Variants in GALNT7 observed in about 807,000 individuals in gnomAD.
GALNT7 encodes N-acetylgalactosaminyltransferase 7.
Under a neutral mutation model 82.1 loss-of-function variants are expected in GALNT7, and 60 were observed. The ratio of observed to expected loss-of-function variants is 0.73; its 90% CI spans 0.59 to 0.91. The LOEUF is 0.91. Ranked by LOEUF, GALNT7 falls within the 40% of genes least tolerant of loss-of-function variation. GALNT7 has a pLI of 0.00. For missense variants in GALNT7, 660 were observed against 804.2 expected, an observed-to-expected ratio of 0.82 and a Z score of 2.17; for synonymous variants, 243 against 275.1, an observed-to-expected ratio of 0.88 and a Z score of 1.15.
At chr4:173,227,757 G>A (rs1035999624) in intron 1 of GALNT7, among the ~76,000 whole-genome samples, 4 of 152,082 alleles carry the variant, frequency 2.6e-5, no homozygotes, top group African/African-American at 9.7e-5. Flanking sequence ...TTTAAGTGAT[G>A]GATAATTGAG....
At chr4:173,229,655 T>C (rs1733961814) in intron 1 of GALNT7, among the ~76,000 whole-genome samples, 1 of 152,132 alleles carries the variant, frequency 6.6e-6, no homozygotes, top group Admixed American at 6.5e-5. Context: ...TAAAATGGGG[T>C]AATAGTGGTA....
intron 1 of GALNT7, among the ~76,000 whole-genome samples, chr4:173,240,336 A>G (rs2126724925): frequency 6.6e-6 from 1 of 151,270 alleles, no homozygotes; most frequent in South Asian, 2.1e-4. Flanking sequence ...AGAGATGGCA[A>G]TGGAAAGTGG....
chr4:173,271,288 A>T (rs1440670854), intron 2 of GALNT7, among the ~76,000 whole-genome samples: 5 of 152,184 alleles, frequency 3.3e-5, no homozygotes, highest in African/African-American at 4.8e-5. Context: ...GTAATGTTCC[A>T]TTCACTTGTA....
At position 173,168,949 on chromosome 4, in the gene GALNT7, G is replaced by C; in HGVS notation, c.114G>C (p.Leu38=). 1 of 1,613,604 alleles carries C rather than the reference G, an allele frequency of 6.2e-7. No homozygotes were observed. Among genetic ancestry groups the C allele is most frequent in the Non-Finnish European group, 8.5e-7 (1 of 1,179,770 alleles). ...CGCGGCCGGACGACCCAAGCCCGCT[G>C]AGCAGGATGAGGGTGAGTGACCCGC... ...LTPRPDDPSP[L]SRMREDRDVN... is the part of the protein sequence containing the mutation. Residue 38 remains leucine (L), a synonymous_variant, in exon 1 of 12, where the codon CTG becomes CTC. Transcript: ENST00000265000.
chr4:173,267,771 A>G (rs1739381925), intron 2 of GALNT7, among the ~76,000 whole-genome samples: 1 of 151,550 alleles, frequency 6.6e-6, no homozygotes, highest in Admixed American at 6.6e-5. Context: ...AATTGTGGAT[A>G]ATAATACTTG....
chr4:173,203,179 C>T (rs928886923), intron 1 of GALNT7, among the ~76,000 whole-genome samples: 29 of 152,072 alleles, frequency 1.9e-4, no homozygotes, highest in African/African-American at 4.8e-4. Flanking sequence ...CTGCAAGCTC[C>T]GCCTCCTGGG....
chr4:173,194,132 T>C (rs1732704283), intron 1 of GALNT7, among the ~76,000 whole-genome samples: 1 of 152,210 alleles, frequency 6.6e-6, no homozygotes, highest in Non-Finnish European at 1.5e-5. Context: ...CTATTACTTA[T>C]TTTAAAGTGT....
chr4:173,185,806 T>C (rs1732445263), intron 1 of GALNT7, among the ~76,000 whole-genome samples: 1 of 152,204 alleles, frequency 6.6e-6, no homozygotes, highest in African/African-American at 2.4e-5. Context: ...AAGAGATAAA[T>C]AAGCATTATT....
At chr4:173,203,975 T>A (rs1733018369) in intron 1 of GALNT7, among the ~76,000 whole-genome samples, 1 of 152,234 alleles carries the variant, frequency 6.6e-6, no homozygotes, top group Admixed American at 6.5e-5. Flanking sequence ...TCCTTTTCTT[T>A]CAGCTTGAAG....
At chr4:173,250,611 C>T (rs1198242076) in intron 2 of GALNT7, among the ~76,000 whole-genome samples, 1 of 152,160 alleles carries the variant, frequency 6.6e-6, no homozygotes, top group Non-Finnish European at 1.5e-5. Context: ...ACTGGTCTTT[C>T]CATTTCTACT....
At chr4:173,171,354 T>A (rs1731865947) in intron 1 of GALNT7, among the ~76,000 whole-genome samples, 1 of 137,590 alleles carries the variant, frequency 7.3e-6, no homozygotes, top group Non-Finnish European at 1.6e-5. Context: ...GATCTCTGCT[T>A]CTCTTTAATG....
chr4:173,225,770 C>A (rs866991395), intron 1 of GALNT7, among the ~76,000 whole-genome samples: 21 of 152,238 alleles, frequency 1.4e-4, no homozygotes, highest in South Asian at 1.0e-3. Flanking sequence ...GATTTGGATG[C>A]CTTATGTTGT....
At chr4:173,288,282 C>G in intron 2 of GALNT7, among the ~76,000 whole-genome samples, 1 of 62,972 alleles carries the variant, frequency 1.6e-5, no homozygotes, top group Admixed American at 2.0e-4. Flanking sequence ...GACTCCATCT[C>G]AAAAAAAAAA....
intron 2 of GALNT7, chr4:173,282,344 A>T (rs1736144131): frequency 6.6e-6 from 1 of 152,318 alleles, no homozygotes; most frequent in Admixed American, 6.5e-5. Context: ...TAATTATACG[A>T]AGAACAAACG....
chr4:173,296,823 C>A (rs1180590040), intron 5 of GALNT7, among the ~76,000 whole-genome samples: 1 of 152,158 alleles, frequency 6.6e-6, no homozygotes, highest in African/African-American at 2.4e-5. Flanking sequence ...TTTCCAGATT[C>A]CAGTGGCAGA....
chr4:173,227,203 A>C (rs1733860704), intron 1 of GALNT7, among the ~76,000 whole-genome samples: 1 of 152,212 alleles, frequency 6.6e-6, no homozygotes, highest in Non-Finnish European at 1.5e-5. Flanking sequence ...TTAATTTAAA[A>C]ATTTTAAAAT....
At chr4:173,255,028 T>C (rs1734985160) in intron 2 of GALNT7, among the ~76,000 whole-genome samples, 1 of 152,230 alleles carries the variant, frequency 6.6e-6, no homozygotes, top group Admixed American at 6.5e-5. Flanking sequence ...AGGTTCTGGC[T>C]AACAACAGAT....
In GALNT7 at chr4:173,200,951, G is replaced by A. The variant is rs555951088; in HGVS notation, c.126+31990G>A. Among the ~76,000 whole-genome samples the A allele has an allele frequency of 4.6e-5, 7 of 152,262 alleles. No individual in the cohort carries two copies. The South Asian group carries it at 1.5e-3, about 32-fold the overall frequency. On this transcript the variant is annotated intron_variant, in intron 1 of 11. Coordinates refer to ENST00000265000, the MANE Select transcript of GALNT7 (RefSeq NM_017423.3). ...TTAAGAGAAAAGAAAGAACATTTATGGAATAGGGATTACACTAGGTATTTT... is the reference window on the plus strand; with the variant it reads ...TTAAGAGAAAAGAAAGAACATTTATAGAATAGGGATTACACTAGGTATTTT...
At chr4:173,200,957 G>C (rs1732927259) in intron 1 of GALNT7, among the ~76,000 whole-genome samples, 1 of 152,154 alleles carries the variant, frequency 6.6e-6, no homozygotes, top group African/African-American at 2.4e-5. Flanking sequence ...TTATGGAATA[G>C]GGATTACACT....
Sources: allele counts gnomAD v4.1 joint callset (sites outside exome capture counted in the v4.1 genomes callset), GRCh38; gene constraint gnomAD v4.1.1; transcripts MANE v1.5; gene names NCBI Gene and HGNC (gene_info 2026-07-23, HGNC 2026-07-21).